Variants in WDR70 observed in about 807,000 individuals in gnomAD.
WDR70 encodes the protein WD repeat domain 70, also known as WD repeat-containing protein 70.
In WDR70, 53 loss-of-function variants were observed where a neutral mutation model predicts 88.6. The observed-to-expected ratio is 0.60, with a 90% CI of 0.48 to 0.75. The LOEUF (loss-of-function observed/expected upper bound fraction) is 0.75, where lower values mean the gene tolerates loss of function less well. WDR70 is among the 30% of genes least tolerant of loss of function. The probability of loss-of-function intolerance (pLI) is 0.00; values close to 1 mark genes in which losing one functional copy is unlikely to be tolerated. For missense variants in WDR70, 610 were observed against 823.2 expected, an observed-to-expected ratio of 0.74 and a Z score of 3.17; for synonymous variants, 280 against 270.0, an observed-to-expected ratio of 1.04 and a Z score of -0.36.
chr5:37,462,015 C>A (rs985639520), intron 7 of WDR70, among the ~76,000 whole-genome samples: 3 of 152,100 alleles, frequency 2.0e-5, no homozygotes, highest in African/African-American at 7.2e-5. Context: ...CTTTCCTAAT[C>A]ATTCTGATCT....
At chr5:37,594,338 A>C (rs1225803030) in intron 9 of WDR70, among the ~76,000 whole-genome samples, 1 of 152,106 alleles carries the variant, frequency 6.6e-6, no homozygotes, top group African/African-American at 2.4e-5. Flanking sequence ...TAAGGAAGGG[A>C]TCCAGTTTCA....
intron 9 of WDR70, among the ~76,000 whole-genome samples, chr5:37,521,007 C>G (rs547316374): frequency 2.6e-5 from 4 of 151,796 alleles, no homozygotes; most frequent in African/African-American, 9.7e-5. Context: ...CTGGTTAAAA[C>G]TTAACCACAG....
At chr5:37,539,314 G>T (rs975924921) in intron 9 of WDR70, among the ~76,000 whole-genome samples, 3 of 152,042 alleles carry the variant, frequency 2.0e-5, no homozygotes, top group Non-Finnish European at 4.4e-5. Flanking sequence ...CTGTATTTAG[G>T]GTTAAGGTCT....
At chr5:37,688,830 G>C (rs975677060) in intron 10 of WDR70, among the ~76,000 whole-genome samples, 1 of 149,678 alleles carries the variant, frequency 6.7e-6, no homozygotes, top group African/African-American at 2.4e-5. Flanking sequence ...ATTGGGACTG[G>C]TTGGACAGTG....
chr5:37,742,224 GTT>G (rs933222689), intron 17 of WDR70, among the ~76,000 whole-genome samples: 1 of 145,688 alleles, frequency 6.9e-6, no homozygotes, highest in Non-Finnish European at 1.5e-5. Flanking sequence ...AAGGGTTCCA[GTT>G]TCTCTGCATC....
chr5:37,414,005 C>T (rs550891254), intron 5 of WDR70, among the ~76,000 whole-genome samples: 5 of 151,738 alleles, frequency 3.3e-5, no homozygotes, highest in East Asian at 3.9e-4. Context: ...ATTAGCCAGG[C>T]GTGGTAGTGC....
At chr5:37,438,629 T>C (rs1362462936) in intron 6 of WDR70, among the ~76,000 whole-genome samples, 5 of 152,138 alleles carry the variant, frequency 3.3e-5, no homozygotes, top group Non-Finnish European at 5.9e-5. Flanking sequence ...GAAACTACTT[T>C]TTTCTAATTG....
chr5:37,521,739 C>A (rs1388417551), intron 9 of WDR70, among the ~76,000 whole-genome samples: 2 of 148,344 alleles, frequency 1.3e-5, no homozygotes, highest in African/African-American at 5.1e-5. Context: ...CACACACACA[C>A]ACCCACATGT....
intron 9 of WDR70, among the ~76,000 whole-genome samples, chr5:37,587,222 C>G (rs1328423142): frequency 6.6e-6 from 1 of 152,062 alleles, no homozygotes; most frequent in Non-Finnish European, 1.5e-5. Context: ...GAGTATAAAG[C>G]CTGTAATCTC....
At chr5:37,403,225 G>C (rs1749255800) in intron 5 of WDR70, among the ~76,000 whole-genome samples, 1 of 152,106 alleles carries the variant, frequency 6.6e-6, no homozygotes, top group African/African-American at 2.4e-5. Flanking sequence ...TGGGATTACA[G>C]GCATGAGCCA....
intron 5 of WDR70, among the ~76,000 whole-genome samples, chr5:37,424,412 T>TTC (rs1369793714): frequency 6.6e-6 from 1 of 150,628 alleles, no homozygotes; most frequent in Non-Finnish European, 1.5e-5. Context: ...TTTCCATTTT[T>TTC]TTTTTTTTAA....
chr5:37,517,632 G>T (rs113966982), intron 9 of WDR70, among the ~76,000 whole-genome samples: 2,948 of 151,948 alleles, frequency 0.019, 87 homozygotes, highest in African/African-American at 0.067. Flanking sequence ...CTCCCAAAGT[G>T]CTGGGATTAT....
At chr5:37,669,099 A>G (rs1745946377) in intron 10 of WDR70, among the ~76,000 whole-genome samples, 1 of 152,182 alleles carries the variant, frequency 6.6e-6, no homozygotes, top group South Asian at 2.1e-4. Flanking sequence ...GAGGTCATAC[A>G]TGTTTTCCCC....
At position 37,713,622 on chromosome 5, in the gene WDR70, A is replaced by G; in HGVS notation, c.1417-7493A>G. ...AATGTTATATTTACTTATTATTATT[A>G]GGTAATACTTATTCACTAGGGAGAA... On this transcript the variant is annotated intron_variant, in intron 13 of 17. Coordinates refer to ENST00000265107, the MANE Select transcript of WDR70 (RefSeq NM_018034.4). Among the ~76,000 whole-genome samples the G allele has an allele frequency of 1.3e-5, 2 of 152,066 alleles. 1 individual carries two copies. Among genetic ancestry groups the G allele is most frequent in the Non-Finnish European group, 2.9e-5 (2 of 68,006 alleles).
intron 10 of WDR70, among the ~76,000 whole-genome samples, chr5:37,632,234 T>C (rs1443459517): frequency 6.6e-6 from 1 of 152,182 alleles, no homozygotes; most frequent in East Asian, 1.9e-4. Flanking sequence ...AGTATAAAAG[T>C]AGAGCAGATA....
At chr5:37,463,269 A>G (rs1041760247) in intron 7 of WDR70, among the ~76,000 whole-genome samples, 10 of 38,874 alleles carry the variant, frequency 2.6e-4, no homozygotes, top group Middle Eastern at 0.013. Flanking sequence ...GAGATTCTGT[A>G]TCGAAAAAAA....
chr5:37,606,533 A>G (rs1286496937), intron 10 of WDR70, among the ~76,000 whole-genome samples: 2 of 152,162 alleles, frequency 1.3e-5, no homozygotes, highest in East Asian at 1.9e-4. Context: ...CTTAAAACCC[A>G]TACTTTTTAT....
At chr5:37,479,795 G>A (rs368386938) in intron 7 of WDR70, 39 bp from the exon 8 acceptor site, 1 of 1,581,470 alleles carries the variant, frequency 6.3e-7, no homozygotes, top group Non-Finnish European at 8.6e-7. Context: ...TAAACATTGT[G>A]CTTAGTATCT....
At chr5:37,454,120 A>G (rs1213501870) in intron 7 of WDR70, among the ~76,000 whole-genome samples, 2 of 152,208 alleles carry the variant, frequency 1.3e-5, no homozygotes, top group Non-Finnish European at 2.9e-5. Context: ...GAAATAGAGC[A>G]GAAGACTGTT....
Sources: gnomAD v4.1 joint callset for allele counts (sites outside exome capture counted in the v4.1 genomes callset) on GRCh38, gnomAD v4.1.1 for gene constraint, MANE v1.5 for transcripts, NCBI Gene and HGNC (gene_info 2026-07-23, HGNC 2026-07-21) for gene names.